SGCZ: variants seen among roughly 807,000 people sequenced by gnomAD.
SGCZ encodes zeta-sarcoglycan.
A neutral mutation model predicts 41.3 loss-of-function variants in SGCZ; 40 were observed. The observed-to-expected ratio is 0.97, with a 90% CI of 0.75 to 1.26. The LOEUF (loss-of-function observed/expected upper bound fraction) is 1.26, where lower values mean the gene tolerates loss of function less well. Among genes scored for constraint, SGCZ ranks in the 50% most tolerant of loss-of-function variants. The pLI is 0.00. For missense variants in SGCZ, 552 were observed against 369.8 expected (o/e 1.49, Z -4.04); for synonymous variants, 206 against 137.5 (o/e 1.50, Z -3.49).
intron 1 of SGCZ, among the ~76,000 whole-genome samples, chr8:14,740,605 T>C (rs1799173839): frequency 6.6e-6 from 1 of 152,038 alleles, no homozygotes; most frequent in Admixed American, 6.6e-5. Flanking sequence ...AGAGCTGACA[T>C]AGGCACAACT....
intron 7 of SGCZ, among the ~76,000 whole-genome samples, chr8:14,093,877 T>C (rs1801763059): frequency 6.6e-6 from 1 of 152,130 alleles, no homozygotes; most frequent in South Asian, 2.1e-4. Flanking sequence ...TAAAAATCCA[T>C]TTGTAATGTT....
At chr8:14,815,223 G>C (rs1025158089) in intron 1 of SGCZ, among the ~76,000 whole-genome samples, 1 of 150,618 alleles carries the variant, frequency 6.6e-6, no homozygotes, top group African/African-American at 2.5e-5. Context: ...TCATTTACTT[G>C]AGTAGATTAT....
At chr8:14,674,929 T>C (rs73525563) in intron 1 of SGCZ, among the ~76,000 whole-genome samples, 2,948 of 15,616 alleles carry the variant, frequency 0.19, 217 homozygotes, top group African/African-American at 0.37. Context: ...TTCTTTTCTG[T>C]TTTTTTTTTT....
intron 2 of SGCZ, among the ~76,000 whole-genome samples, chr8:14,362,167 G>A (rs1474295492): frequency 2.0e-5 from 3 of 152,178 alleles, no homozygotes; most frequent in East Asian, 3.9e-4. Context: ...GAGGCAGTCT[G>A]TCCATTATTG....
At chr8:14,645,484 G>GTA (rs71209072) in intron 1 of SGCZ, among the ~76,000 whole-genome samples, 51,938 of 135,650 alleles carry the variant, frequency 0.38, 11,165 homozygotes, top group Non-Finnish European at 0.47. Context: ...ATATTTATAT[G>GTA]TATATATATA....
At chr8:14,584,168 A>C (rs1804984881) in intron 1 of SGCZ, among the ~76,000 whole-genome samples, 1 of 152,174 alleles carries the variant, frequency 6.6e-6, no homozygotes, top group African/African-American at 2.4e-5. Context: ...AAGGGGGAAT[A>C]ACTACTAGGT....
At chr8:14,457,568 G>T (rs565769976) in intron 2 of SGCZ, among the ~76,000 whole-genome samples, 1 of 152,200 alleles carries the variant, frequency 6.6e-6, no homozygotes, top group Admixed American at 6.5e-5. Context: ...GTGCTTCAGT[G>T]GTCACGCTCC....
intron 2 of SGCZ, among the ~76,000 whole-genome samples, chr8:14,360,055 T>G (rs1431564932): frequency 6.6e-6 from 1 of 152,100 alleles, no homozygotes; most frequent in East Asian, 1.9e-4. Flanking sequence ...TTGATAAAAT[T>G]CAAGATACTT....
At chr8:14,501,043 C>T (rs370785317) in intron 2 of SGCZ, among the ~76,000 whole-genome samples, 1 of 151,910 alleles carries the variant, frequency 6.6e-6, no homozygotes, top group East Asian at 1.9e-4. Flanking sequence ...TAAAGGGATC[C>T]TCAATGGGTC....
chr8:14,555,630 G>A (rs1804012197), intron 1 of SGCZ, among the ~76,000 whole-genome samples: 2 of 151,916 alleles, frequency 1.3e-5, no homozygotes, highest in African/African-American at 4.8e-5. Flanking sequence ...TTATACCAGA[G>A]CAAGAATAGA....
intron 2 of SGCZ, among the ~76,000 whole-genome samples, chr8:14,401,095 CTG>C (rs1176827922): frequency 6.6e-6 from 1 of 152,100 alleles, no homozygotes; most frequent in Non-Finnish European, 1.5e-5. Context: ...GCAGTCCACA[CTG>C]TGCAAGATAC....
intron 2 of SGCZ, among the ~76,000 whole-genome samples, chr8:14,436,252 T>G (rs920254934): frequency 5.3e-5 from 8 of 152,180 alleles, no homozygotes; most frequent in Admixed American, 3.9e-4. Context: ...GATGAGCCTC[T>G]TGAATCACAG....
intron 2 of SGCZ, among the ~76,000 whole-genome samples, chr8:14,348,138 A>C (rs1347098435): frequency 1.3e-5 from 2 of 152,064 alleles, no homozygotes; most frequent in Non-Finnish European, 2.9e-5. Flanking sequence ...GCTGTAACCA[A>C]TATGGTATCA....
intron 2 of SGCZ, among the ~76,000 whole-genome samples, chr8:14,454,558 G>C (rs971399729): frequency 6.6e-5 from 10 of 152,022 alleles, no homozygotes; most frequent in Non-Finnish European, 1.3e-4. Context: ...AGATAGTAAA[G>C]TTCATACGTA....
intron 3 of SGCZ, among the ~76,000 whole-genome samples, chr8:14,251,637 T>C (rs1444365806): frequency 6.6e-6 from 1 of 152,178 alleles, no homozygotes; most frequent in South Asian, 2.1e-4. Context: ...TTCAAAACAA[T>C]TCTAGTATTA....
chr8:14,334,069 A>C (rs1045244917), intron 2 of SGCZ, among the ~76,000 whole-genome samples: 6 of 151,980 alleles, frequency 3.9e-5, no homozygotes, highest in Non-Finnish European at 8.8e-5. Context: ...TTTTGCAAAT[A>C]TTTGTCTGTT....
At chr8:15,188,228 G>C (rs935423363) in intron 1 of SGCZ, among the ~76,000 whole-genome samples, 1 of 151,976 alleles carries the variant, frequency 6.6e-6, no homozygotes, top group African/African-American at 2.4e-5. Context: ...TAAATGCAAA[G>C]AATGGACACA....
chr8:14,571,583 G>A (rs962140732), intron 1 of SGCZ, among the ~76,000 whole-genome samples: 4 of 151,796 alleles, frequency 2.6e-5, no homozygotes, highest in Non-Finnish European at 4.4e-5. Flanking sequence ...TTTTCTGACT[G>A]CATTTTACAA....
At chr8:14,304,787 T>G (rs995155898) in intron 3 of SGCZ, among the ~76,000 whole-genome samples, 2 of 152,156 alleles carry the variant, frequency 1.3e-5, no homozygotes, top group African/African-American at 4.8e-5. Flanking sequence ...TTTAACTGTG[T>G]AAAATGAAAA....
Sources: allele counts gnomAD v4.1 joint callset (sites outside exome capture counted in the v4.1 genomes callset), GRCh38; gene constraint gnomAD v4.1.1; transcripts MANE v1.5; gene names NCBI Gene and HGNC (gene_info 2026-07-23, HGNC 2026-07-21).